Variants in MYO5A observed in about 807,000 individuals in gnomAD.
MYO5A encodes myosin VA, also known as unconventional myosin-Va.
A neutral mutation model predicts 249.7 loss-of-function variants in MYO5A; 98 were observed. That is an observed-to-expected ratio of 0.39 (90% CI 0.33 to 0.46). The LOEUF (loss-of-function observed/expected upper bound fraction) is 0.46, where lower values mean the gene tolerates loss of function less well. MYO5A is among the 20% of genes least tolerant of loss of function. MYO5A has a pLI of 0.98. For synonymous variants in MYO5A, 778 were observed against 810.6 expected (o/e 0.96, Z 0.68); for missense variants, 1,696 against 2,308.8 (o/e 0.73, Z 5.44).
Position 52,428,378 on chromosome 15 carries a change from G to A in MYO5A, c.310+20C>T, listed in dbSNP as rs368545647. 1.0e-5 allele frequency: 16 copies of A among 1,607,942 alleles called. No individual in the cohort carries two copies. The highest frequency in any genetic ancestry group is 3.3e-5 in the Admixed American group (2 of 59,988). ...AGAGGAAAGAGTCCACAGTCTATTC[G>A]GAAAGCAAAGCATACTTACCACAAT... On this transcript the variant is annotated intron_variant, in intron 3 of 41. Coordinates refer to ENST00000399233, the MANE Select transcript of MYO5A (RefSeq NM_001382347.1).
At chr15:52,333,443 G>T (rs1322360757) in intron 34 of MYO5A, among the ~76,000 whole-genome samples, 1 of 152,134 alleles carries the variant, frequency 6.6e-6, no homozygotes, top group Non-Finnish European at 1.5e-5. Flanking sequence ...ACAAAGGAGA[G>T]AAATCAGTGG....
chr15:52,380,206 A>G (rs1015557790), intron 16 of MYO5A, among the ~76,000 whole-genome samples: 6 of 152,198 alleles, frequency 3.9e-5, no homozygotes, highest in Admixed American at 6.5e-5. Flanking sequence ...GAGGCCCAGG[A>G]GGGTAGATCA....
At chr15:52,463,809 C>T (rs1169865518) in intron 1 of MYO5A, among the ~76,000 whole-genome samples, 1 of 152,168 alleles carries the variant, frequency 6.6e-6, no homozygotes, top group Non-Finnish European at 1.5e-5. Flanking sequence ...GAAGCTTCCA[C>T]CAGATCAAAA....
At chr15:52,463,920 C>T (rs2076302613) in intron 1 of MYO5A, among the ~76,000 whole-genome samples, 1 of 152,182 alleles carries the variant, frequency 6.6e-6, no homozygotes, top group South Asian at 2.1e-4. Context: ...TTTTCTGAAT[C>T]TCAATTCCCT....
At chr15:52,325,114 T>G (rs555239864) in intron 36 of MYO5A, among the ~76,000 whole-genome samples, 4 of 152,336 alleles carry the variant, frequency 2.6e-5, no homozygotes, top group African/African-American at 9.6e-5. Context: ...CAACTGTTCC[T>G]AGTGGATGCT....
intron 1 of MYO5A, among the ~76,000 whole-genome samples, chr15:52,472,602 C>T (rs1031631566): frequency 6.6e-6 from 1 of 152,114 alleles, no homozygotes; most frequent in Non-Finnish European, 1.5e-5. Context: ...TCCCTGTGTT[C>T]TCATTGTTCA....
At chr15:52,314,298 A>C in intron 40 of MYO5A, 95 bp from the exon 41 acceptor site, 1 of 917,888 alleles carries the variant, frequency 1.1e-6, no homozygotes, top group Middle Eastern at 2.2e-4. Context: ...GTGCGTACAG[A>C]TTTCAGTTCT....
At chr15:52,371,288 T>C (rs1442529644) in intron 21 of MYO5A, among the ~76,000 whole-genome samples, 1 of 152,200 alleles carries the variant, frequency 6.6e-6, no homozygotes, top group Non-Finnish European at 1.5e-5. Flanking sequence ...TTAATTACCT[T>C]TATATCATTT....
chr15:52,481,059 G>A (rs974053923), intron 1 of MYO5A, among the ~76,000 whole-genome samples: 2 of 152,168 alleles, frequency 1.3e-5, no homozygotes, highest in African/African-American at 4.8e-5. Flanking sequence ...CTATATGTAG[G>A]TATTATGAGT....
chr15:52,469,174 A>T (rs2076408623), intron 1 of MYO5A, among the ~76,000 whole-genome samples: 1 of 152,208 alleles, frequency 6.6e-6, no homozygotes, highest in Non-Finnish European at 1.5e-5. Context: ...TTGACCCTTG[A>T]ACAACATGTG....
chr15:52,331,229 C>T (rs2038872227), intron 34 of MYO5A, among the ~76,000 whole-genome samples: 2 of 151,972 alleles, frequency 1.3e-5, no homozygotes, highest in Admixed American at 1.3e-4. Context: ...AAAAATTCTA[C>T]TTATAAAGTT....
chr15:52,437,415 T>G (rs2075687861), intron 1 of MYO5A, among the ~76,000 whole-genome samples: 1 of 151,788 alleles, frequency 6.6e-6, no homozygotes, highest in South Asian at 2.1e-4. Context: ...ACCAACATGG[T>G]GAAACCCCGC....
At position 52,312,265 on chromosome 15, in the gene MYO5A, A is replaced by AATCATAATG. The variant is rs1283779149; in HGVS notation, c.*1422_*1430dup. On this transcript the variant is annotated 3_prime_UTR_variant, in exon 42 of 42. Coordinates refer to ENST00000399233, the MANE Select transcript of MYO5A (RefSeq NM_001382347.1). ...AGAAGCTGCAAAGCCTTAAAAACTGAATCATAATGAAATATTTATTATATA... is the reference window on the plus strand; with the variant it reads ...AGAAGCTGCAAAGCCTTAAAAACTGAATCATAATGATCATAATGAAATATTTATTATATA... 1 of 152,248 alleles carries AATCATAATG rather than the reference A, an allele frequency of 6.6e-6. No individual in the cohort carries two copies. The highest frequency in any genetic ancestry group is 1.5e-5 in the Non-Finnish European group (1 of 68,050). The allele number at this position is 152,248 out of a possible 1,614,324, so 9.4% of individuals were successfully genotyped here.
chr15:52,415,768 A>G (rs2043451743), intron 5 of MYO5A, among the ~76,000 whole-genome samples: 1 of 152,218 alleles, frequency 6.6e-6, no homozygotes. Context: ...AGGAGCATAA[A>G]TAAGAACTCA....
intron 4 of MYO5A, among the ~76,000 whole-genome samples, chr15:52,418,271 G>A (rs959613746): frequency 6.6e-6 from 1 of 152,152 alleles, no homozygotes; most frequent in African/African-American, 2.4e-5. Flanking sequence ...GAGTGGAGGT[G>A]AGCTCTTCTG....
intron 4 of MYO5A, among the ~76,000 whole-genome samples, chr15:52,424,531 C>A (rs558655388): frequency 1.3e-5 from 2 of 152,006 alleles, no homozygotes; most frequent in African/African-American, 4.8e-5. Context: ...TTAGAAGTAT[C>A]CATATTAATA....
chr15:52,415,367 A>G (rs950628423), intron 5 of MYO5A, among the ~76,000 whole-genome samples: 2 of 152,362 alleles, frequency 1.3e-5, no homozygotes, highest in South Asian at 4.1e-4. Context: ...AAATCTTATT[A>G]ATAGACAGAT....
intron 15 of MYO5A, among the ~76,000 whole-genome samples, 172 bp from the exon 16 acceptor site, chr15:52,383,360 G>A (rs1187616959): frequency 6.6e-6 from 1 of 152,038 alleles, no homozygotes; most frequent in African/African-American, 2.4e-5. Flanking sequence ...TAGGGCTTTT[G>A]GTTAAAATTT....
intron 4 of MYO5A, among the ~76,000 whole-genome samples, chr15:52,419,721 T>C (rs918336059): frequency 3.9e-5 from 6 of 152,178 alleles, no homozygotes; most frequent in Non-Finnish European, 5.9e-5. Flanking sequence ...GCCTGTCACA[T>C]GGCTATCAGA....
Sources: allele counts gnomAD v4.1 joint callset (sites outside exome capture counted in the v4.1 genomes callset), GRCh38; gene constraint gnomAD v4.1.1; transcripts MANE v1.5; gene names NCBI Gene and HGNC (gene_info 2026-07-23, HGNC 2026-07-21).